Variants in PHLPP2 observed in about 807,000 individuals in gnomAD.
The protein encoded by PHLPP2 is PH domain and leucine rich repeat protein phosphatase 2, also known as PH domain leucine-rich repeat-containing protein phosphatase 2.
PHLPP2 carries 66 observed loss-of-function variants against 124.9 expected under a neutral mutation model. The observed-to-expected ratio is 0.53, with a 90% CI of 0.43 to 0.65. The LOEUF is 0.65. PHLPP2 is among the 30% of genes least tolerant of loss of function. The pLI, the probability that PHLPP2 is intolerant of heterozygous loss-of-function variation, is 0.00. For missense variants in PHLPP2, 1,685 were observed against 1,600.4 expected (o/e 1.05, Z -0.90); for synonymous variants, 681 against 624.7 (o/e 1.09, Z -1.34).
At position 71,667,199 on chromosome 16, in the gene PHLPP2, G is replaced by T; in HGVS notation, c.1763C>A (p.Thr588Asn). Reference sequence around the variant, plus strand: ...TTACTTTAAGGCCTTGGAGAAGAGGGTGTCTGGCAGCCTCGTGAGTGCATT... The same window carrying T: ...TTACTTTAAGGCCTTGGAGAAGAGGTTGTCTGGCAGCCTCGTGAGTGCATT... ...QHNALTRLPD[T>N]LFSKALNLRY... is the part of the protein sequence containing the mutation. The change falls in exon 12 of 19, where the codon ACC becomes AAC. Residue 588 changes from threonine to asparagine, a missense_variant. Thr to Asn is a moderately conservative substitution (Grantham distance 65). Coordinates refer to ENST00000568954, the MANE Select transcript of PHLPP2 (RefSeq NM_015020.3). The T allele has an allele frequency of 6.2e-7, 1 of 1,613,396 alleles. No individual in the cohort carries two copies. The highest frequency in any genetic ancestry group is 8.5e-7 in the Non-Finnish European group (1 of 1,179,782).
At chr16:71,695,284 T>A (rs1268366752) in intron 3 of PHLPP2, among the ~76,000 whole-genome samples, 1 of 152,132 alleles carries the variant, frequency 6.6e-6, no homozygotes, top group Admixed American at 6.5e-5. Flanking sequence ...TACAGGTGCA[T>A]AAAGAGATAA....
At chr16:71,720,786 C>G (rs1017506301) in intron 1 of PHLPP2, among the ~76,000 whole-genome samples, 1 of 151,816 alleles carries the variant, frequency 6.6e-6, no homozygotes, top group Non-Finnish European at 1.5e-5. Context: ...ATCGCTTGAA[C>G]CCGGGAGGCG....
rs899035905 is a variant in PHLPP2, at chr16:71,670,401, T to C, written c.1533-1031A>G. 5.9e-5 allele frequency among the ~76,000 whole-genome samples: 9 copies of C among 151,748 alleles called. No individual in the cohort carries two copies. The South Asian group carries it at 1.5e-3, about 25-fold the overall frequency. ...ATGGCCAAAGTGGCATGAAAAAAAATCAGACTGTATTAGCTAGCCAAGGAA... is the reference window on the plus strand; with the variant it reads ...ATGGCCAAAGTGGCATGAAAAAAAACCAGACTGTATTAGCTAGCCAAGGAA... On this transcript the variant is annotated intron_variant, in intron 10 of 18. Transcript: ENST00000568954.
chr16:71,686,668 T>C (rs112143192), intron 4 of PHLPP2, among the ~76,000 whole-genome samples: 181 of 152,330 alleles, frequency 1.2e-3, no homozygotes, highest in African/African-American at 4.1e-3. Context: ...CAGAATTTCA[T>C]ATAAATTGAA....
At chr16:71,670,230 C>T (rs915416595) in intron 10 of PHLPP2, among the ~76,000 whole-genome samples, 1 of 152,072 alleles carries the variant, frequency 6.6e-6, no homozygotes, top group Non-Finnish European at 1.5e-5. Context: ...CCGGAGGAGA[C>T]GGCCTGGGCT....
chr16:71,698,779 C>T, intron 3 of PHLPP2: 1 of 256,766 alleles, frequency 3.9e-6, no homozygotes, highest in Non-Finnish European at 7.8e-6. Flanking sequence ...GTTATCTCCA[C>T]AGCTTTTATA....
chr16:71,700,970 G>A (rs939915239), intron 3 of PHLPP2, among the ~76,000 whole-genome samples: 2 of 152,156 alleles, frequency 1.3e-5, no homozygotes, highest in African/African-American at 4.8e-5. Flanking sequence ...CCACTATGTT[G>A]TGAAGACGCC....
chr16:71,684,022 C>A (rs1239990580), intron 5 of PHLPP2, among the ~76,000 whole-genome samples: 3 of 152,028 alleles, frequency 2.0e-5, no homozygotes, highest in African/African-American at 4.8e-5. Context: ...AAACTCCCGA[C>A]CTCAGGTGAT....
Position 71,655,086 on chromosome 16 carries a change from C to T in PHLPP2, c.2585+154G>A, listed in dbSNP as rs944801806. 5.4e-5 allele frequency: 33 copies of T among 607,258 alleles called. 1 individual carries two copies. In the South Asian group the frequency reaches 7.1e-4, roughly 13 times the overall value. 37.6% of individuals were successfully genotyped at this position (607,258 alleles called of 1,614,324 possible). ...TTTTGAAAGAGCCGAAGTCCCCGCA[C>T]TCCATGCTCATATAGAGAATGATCA... On this transcript the variant is annotated intron_variant, in intron 17 of 18. Transcript: ENST00000568954.
Position 71,667,169 on chromosome 16 carries a change from G to C in PHLPP2, c.1784+9C>G. On this transcript the variant is annotated intron_variant, in intron 12 of 18. Coordinates refer to ENST00000568954, the MANE Select transcript of PHLPP2 (RefSeq NM_015020.3). The stretch of plus-strand genomic sequence containing the variant: ...TCTGCTCTTCCGAAAAAAATCCTAT[G>C]ATACTTACTTTAAGGCCTTGGAGAA... 6.2e-7 allele frequency: 1 copy of C among 1,606,760 alleles called. No individual in the cohort carries two copies. Among genetic ancestry groups the C allele is most frequent in the Non-Finnish European group, 8.5e-7 (1 of 1,176,788 alleles).
At chr16:71,661,361 G>A (rs755730217) in intron 13 of PHLPP2, among the ~76,000 whole-genome samples, 8 of 151,902 alleles carry the variant, frequency 5.3e-5, no homozygotes, top group South Asian at 2.1e-4. Context: ...GTGAGCCACC[G>A]TGCCAGGCCT....
At chr16:71,693,977 G>C (rs1318739823) in intron 3 of PHLPP2, among the ~76,000 whole-genome samples, 1 of 152,146 alleles carries the variant, frequency 6.6e-6, no homozygotes, top group Non-Finnish European at 1.5e-5. Context: ...TGGATCACTT[G>C]AGGCCAGGAG....
chr16:71,667,535 C>T (rs567158701), intron 11 of PHLPP2, among the ~76,000 whole-genome samples: 2 of 152,266 alleles, frequency 1.3e-5, no homozygotes, highest in South Asian at 4.1e-4. Flanking sequence ...TCATTAAGGT[C>T]ATTCTGAGAA....
intron 8 of PHLPP2, 81 bp from the exon 9 acceptor site, chr16:71,676,730 C>G: frequency 9.9e-7 from 1 of 1,011,332 alleles, no homozygotes. Flanking sequence ...AAAAATAGGA[C>G]AGGTATGATC....
chr16:71,697,847 G>T (rs1258768019), intron 3 of PHLPP2, among the ~76,000 whole-genome samples: 1 of 124,216 alleles, frequency 8.1e-6, no homozygotes, highest in Non-Finnish European at 1.7e-5. Flanking sequence ...CAGGAAGTAG[G>T]ATTTTTTTTT....
intron 13 of PHLPP2, among the ~76,000 whole-genome samples, chr16:71,659,096 A>G (rs1431045167): frequency 2.0e-5 from 3 of 152,184 alleles, no homozygotes; most frequent in Non-Finnish European, 4.4e-5. Flanking sequence ...AAAAGTGGCT[A>G]GAAAAGGAGT....
rs533504133 is a variant in PHLPP2, at chr16:71,687,810, A to T, written c.609+2709T>A. Among the ~76,000 whole-genome samples the T allele has an allele frequency of 2.0e-5, 3 of 152,238 alleles. No homozygotes were observed. The South Asian group carries it at 6.2e-4, about 32-fold the overall frequency. On this transcript the variant is annotated intron_variant, in intron 4 of 18. Transcript: ENST00000568954. ...AAATGTTCAGCTATTATTTTTTCAGATATTATTTCTCTTTTCTCTTCCTCT... is the reference window on the plus strand; with the variant it reads ...AAATGTTCAGCTATTATTTTTTCAGTTATTATTTCTCTTTTCTCTTCCTCT...
intron 3 of PHLPP2, among the ~76,000 whole-genome samples, chr16:71,692,674 A>T (rs1467484511): frequency 6.6e-6 from 1 of 152,182 alleles, no homozygotes. Context: ...AAATCCACAG[A>T]TGCTATAGTC....
rs548608553 is a variant in PHLPP2 at position 71,700,297 on chromosome 16, T to C, written c.418+2301A>G. Among the ~76,000 whole-genome samples, 25 of 151,962 alleles carry C rather than the reference T, an allele frequency of 1.6e-4. No individual in the cohort carries two copies. In the South Asian group the frequency reaches 3.9e-3, roughly 24 times the overall value. On this transcript the variant is annotated intron_variant, in intron 3 of 18. Transcript: ENST00000568954. ...GTGCGCACGTGTAGTTCCAGCTACT[T>C]GGGAGGCTGAGGTGGGAGAATCATT...
Sources: allele counts gnomAD v4.1 joint callset (sites outside exome capture counted in the v4.1 genomes callset), GRCh38; gene constraint gnomAD v4.1.1; transcripts MANE v1.5; gene names NCBI Gene and HGNC (gene_info 2026-07-23, HGNC 2026-07-21).